GEMIN7: variants seen among roughly 807,000 people sequenced by gnomAD.
GEMIN7 encodes gem nuclear organelle associated protein 7.
In GEMIN7, 7 loss-of-function variants were observed where a neutral mutation model predicts 7.8. The ratio of observed to expected loss-of-function variants is 0.90; its 90% CI spans 0.51 to 1.69. GEMIN7 has a LOEUF of 1.69. GEMIN7 is among the 40% of genes most tolerant of loss of function. The pLI, the probability that GEMIN7 is intolerant of heterozygous loss-of-function variation, is 0.00. For synonymous variants in GEMIN7, 68 were observed against 72.4 expected, an observed-to-expected ratio of 0.94 and a Z score of 0.31; for missense variants, 159 against 176.2, an observed-to-expected ratio of 0.90 and a Z score of 0.55.
At chr19:45,087,795 G>A (rs913768801) in intron 2 of GEMIN7, among the ~76,000 whole-genome samples, 1 of 152,056 alleles carries the variant, frequency 6.6e-6, no homozygotes. Flanking sequence ...GGGTGAAGGT[G>A]GAAGCCAGGG....
At chr19:45,076,339 C>A, upstream of GEMIN7, 1 of 1,369,948 alleles carries the variant, frequency 7.3e-7, no homozygotes, top group Admixed American at 3.0e-5. This position sits in a 1 kb window ranked among gnomAD's most constrained non-coding sequence, Gnocchi z 4.9. Flanking sequence ...GGGCTCTACT[C>A]GGCGGGGCGC....
rs548217313 is a variant in GEMIN7 at position 45,086,411 on chromosome 19, C to T, written c.-8-3696C>T. Among the ~76,000 whole-genome samples, 221 of 152,300 alleles carry T rather than the reference C, an allele frequency of 1.5e-3. 2 individuals carry two copies. The highest frequency in any genetic ancestry group is 4.6e-4 in the Non-Finnish European group (31 of 68,020). ...GAGGACCAAGCCACAGGGAGTGGTG[C>T]AGCTGCTAAAACCTAGGTCCTCCTC... On this transcript the variant is annotated intron_variant, in intron 2 of 2. Transcript: ENST00000270257.
chr19:45,089,062 C>T (rs1967802609), intron 2 of GEMIN7, among the ~76,000 whole-genome samples: 1 of 152,002 alleles, frequency 6.6e-6, no homozygotes, highest in Non-Finnish European at 1.5e-5. Context: ...CTGCCTTAAC[C>T]TCCCGAGTAG....
chr19:45,084,580 G>A (rs890153860), intron 2 of GEMIN7, among the ~76,000 whole-genome samples: 38 of 150,948 alleles, frequency 2.5e-4, no homozygotes, highest in South Asian at 1.3e-3. Flanking sequence ...TTTTTGGGGC[G>A]TTTGTTTGTT....
At chr19:45,081,777 C>A (rs138906444) in intron 2 of GEMIN7, among the ~76,000 whole-genome samples, 1 of 152,108 alleles carries the variant, frequency 6.6e-6, no homozygotes, top group South Asian at 2.1e-4. Context: ...CAGGCACGCA[C>A]CACCACACCC....
chr19:45,091,301 G>A lies in GEMIN7; in HGVS notation c.*791G>A, dbSNP rs1211575832. 1 of 167,176 alleles carries A rather than the reference G, an allele frequency of 6.0e-6. No homozygotes were observed. Among genetic ancestry groups the A allele is most frequent in the Admixed American group, 6.5e-5 (1 of 15,290 alleles). 10.4% of individuals were successfully genotyped at this position (167,176 alleles called of 1,614,324 possible). On this transcript the variant is annotated 3_prime_UTR_variant, in exon 3 of 3. Coordinates refer to ENST00000270257, the MANE Select transcript of GEMIN7 (RefSeq NM_024707.3). The stretch of plus-strand genomic sequence containing the variant: ...GCGGCGCCCCTGATAAAAGGCCGAG[G>A]ATTCGCGATCAGGGTGCAACTTCAC...
intron 2 of GEMIN7, among the ~76,000 whole-genome samples, chr19:45,086,821 T>G (rs1046650487): frequency 1.3e-4 from 19 of 150,662 alleles, no homozygotes; most frequent in Admixed American, 2.0e-4. Context: ...CGGCCTGGGA[T>G]CTCCACTCTT....
upstream of GEMIN7, among the ~76,000 whole-genome samples, chr19:45,077,045 G>A (rs1817471199): frequency 6.6e-6 from 1 of 152,180 alleles, no homozygotes; most frequent in African/African-American, 2.4e-5. Context: ...TACTGGGGTT[G>A]AGGGATTCAA....
intron 2 of GEMIN7, among the ~76,000 whole-genome samples, chr19:45,087,100 C>T (rs956715883): frequency 2.0e-5 from 3 of 151,922 alleles, no homozygotes; most frequent in African/African-American, 4.8e-5. Context: ...CTGCTTTGGC[C>T]TCCCAAAGTG....
upstream of GEMIN7, among the ~76,000 whole-genome samples, chr19:45,077,567 C>T (rs1230592393): frequency 2.0e-5 from 3 of 152,202 alleles, no homozygotes; most frequent in Admixed American, 1.3e-4. Flanking sequence ...AGAACCTGTC[C>T]TCCCCCAGCT....
chr19:45,077,864 C>A (rs1359926347), upstream of GEMIN7, among the ~76,000 whole-genome samples: 1 of 145,190 alleles, frequency 6.9e-6, no homozygotes, highest in African/African-American at 2.5e-5. Context: ...TCTGATCACC[C>A]TTTTTTTTTT....
intron 2 of GEMIN7, among the ~76,000 whole-genome samples, chr19:45,086,066 ACCTTG>A (rs1967675529): frequency 6.6e-6 from 1 of 150,390 alleles, no homozygotes; most frequent in Non-Finnish European, 1.5e-5. Context: ...ATGGGGTTTC[ACCTTG>A]TTAGCCAGGA....
chr19:45,080,446 G>T (rs920192416), intron 2 of GEMIN7, among the ~76,000 whole-genome samples: 1 of 148,780 alleles, frequency 6.7e-6, no homozygotes. Context: ...CGTGATCTCC[G>T]CTCACTGCAA....
chr19:45,087,208 ATC>A (rs1473512098), intron 2 of GEMIN7, among the ~76,000 whole-genome samples: 1 of 152,000 alleles, frequency 6.6e-6, no homozygotes, highest in Non-Finnish European at 1.5e-5. Flanking sequence ...CAGTGGCACA[ATC>A]TCTGCTCACT....
Position 45,085,993 on chromosome 19 carries a change from G to T in GEMIN7, c.-8-4114G>T, listed in dbSNP as rs369854828. ...CGCCATTCTCCTGCCTCAGCCTCCC[G>T]AGTAGCTGGGACTACAGGCGACTGC... is the stretch of plus-strand genomic sequence containing the variant. On this transcript the variant is annotated intron_variant, in intron 2 of 2. Coordinates refer to ENST00000270257, the MANE Select transcript of GEMIN7 (RefSeq NM_024707.3). Among the ~76,000 whole-genome samples the T allele has an allele frequency of 4.2e-5, 6 of 142,472 alleles. No individual in the cohort carries two copies. In the East Asian group the frequency reaches 1.4e-3, roughly 34 times the overall value. 93.5% of individuals were successfully genotyped at this position (142,472 alleles called of 152,430 possible).
At chr19:45,076,400 G>A (rs770447950), upstream of GEMIN7, 11 of 1,244,150 alleles carry the variant, frequency 8.8e-6, no homozygotes, top group South Asian at 1.1e-4. This position sits in a 1 kb window ranked among gnomAD's most constrained non-coding sequence, Gnocchi z 4.9. Context: ...GAGCGAGCGG[G>A]CGGGCAGGCA....
chr19:45,075,969 A>C (rs537294799), upstream of GEMIN7: 1 of 1,582,662 alleles, frequency 6.3e-7, no homozygotes, highest in East Asian at 2.3e-5. Flanking sequence ...GAGGGGCAGG[A>C]CGGGGCGAAG....
chr19:45,077,176 T>C (rs1967371789), upstream of GEMIN7, among the ~76,000 whole-genome samples: 1 of 152,174 alleles, frequency 6.6e-6, no homozygotes, highest in Admixed American at 6.5e-5. Context: ...GGGTTGGGGA[T>C]TGAGTTCAGT....
chr19:45,081,419 G>T (rs948198330), intron 2 of GEMIN7, among the ~76,000 whole-genome samples: 7 of 149,336 alleles, frequency 4.7e-5, no homozygotes, highest in Non-Finnish European at 1.0e-4. Context: ...TCATGCCACT[G>T]TACTCCAGCC....
Sources: allele counts gnomAD v4.1 joint callset (sites outside exome capture counted in the v4.1 genomes callset), GRCh38; gene constraint gnomAD v4.1.1; non-coding constraint Gnocchi (gnomAD v3.1); transcripts MANE v1.5; gene names NCBI Gene and HGNC (gene_info 2026-07-23, HGNC 2026-07-21).